FRMD6: variants seen among roughly 807,000 people sequenced by gnomAD.
The protein encoded by FRMD6 is FERM domain containing 6.
FRMD6 carries 37 observed loss-of-function variants against 73.2 expected under a neutral mutation model. The ratio of observed to expected loss-of-function variants is 0.51; its 90% CI spans 0.39 to 0.66. The LOEUF is 0.66. Ranked by LOEUF, FRMD6 falls within the 30% of genes least tolerant of loss-of-function variation. The pLI is 0.00. For synonymous variants in FRMD6, 273 were observed against 282.2 expected (o/e 0.97, Z 0.33); for missense variants, 714 against 780.5 (o/e 0.91, Z 1.02).
chr14:51,585,637 T>C (rs190521948), intron 2 of FRMD6, among the ~76,000 whole-genome samples: 13 of 152,152 alleles, frequency 8.5e-5, no homozygotes, highest in African/African-American at 3.1e-4. Flanking sequence ...GGAATACCTA[T>C]CTTGCATGTT....
chr14:51,501,381 C>T (rs1471605928), intron 1 of FRMD6, among the ~76,000 whole-genome samples: 2 of 152,134 alleles, frequency 1.3e-5, no homozygotes, highest in Non-Finnish European at 2.9e-5. Flanking sequence ...ACCAACCCCT[C>T]CCAACAGGCC....
intron 1 of FRMD6, among the ~76,000 whole-genome samples, chr14:51,532,175 T>C (rs1320734065): frequency 6.6e-6 from 1 of 152,114 alleles, no homozygotes; most frequent in Non-Finnish European, 1.5e-5. Flanking sequence ...GAGACCATCC[T>C]GGCTAACATG....
At chr14:51,521,892 C>T (rs1884975866) in intron 1 of FRMD6, among the ~76,000 whole-genome samples, 1 of 152,056 alleles carries the variant, frequency 6.6e-6, no homozygotes, top group South Asian at 2.1e-4. Context: ...CCATAAATTC[C>T]TAGCTTTGAA....
At chr14:51,717,420 C>G (rs1387761074) in intron 10 of FRMD6, 1 of 152,080 alleles carries the variant, frequency 6.6e-6, no homozygotes, top group Non-Finnish European at 1.5e-5. Context: ...TGGCACTAAC[C>G]CATTCATGAA....
At chr14:51,679,368 A>G (rs1894636274) in intron 1 of FRMD6, among the ~76,000 whole-genome samples, 1 of 150,422 alleles carries the variant, frequency 6.6e-6, no homozygotes, top group South Asian at 2.1e-4. Context: ...TATATATAAT[A>G]TATATTATGC....
chr14:51,650,424 C>T (rs1219976396), upstream of FRMD6: 1 of 107,918 alleles, frequency 9.3e-6, no homozygotes, highest in Non-Finnish European at 1.8e-5. Flanking sequence ...GAGACGGAGT[C>T]TCGCTCTGTC....
intron 1 of FRMD6, among the ~76,000 whole-genome samples, chr14:51,548,166 G>A (rs756947186): frequency 2.6e-5 from 4 of 152,100 alleles, no homozygotes; most frequent in Admixed American, 6.6e-5. Context: ...TATCACTAAG[G>A]CTAAACAACT....
intron 11 of FRMD6, among the ~76,000 whole-genome samples, chr14:51,721,730 G>GGAA (rs1566598337): frequency 8.6e-6 from 1 of 115,730 alleles, no homozygotes; most frequent in African/African-American, 3.7e-5. Flanking sequence ...GAGGGAGGAA[G>GGAA]GGAGGGAGGA....
chr14:51,726,529 C>T (rs907453786), intron 13 of FRMD6, among the ~76,000 whole-genome samples: 1 of 151,990 alleles, frequency 6.6e-6, no homozygotes, highest in Admixed American at 6.6e-5. Context: ...CTACTTTTCT[C>T]TTCCTCTTTC....
At chr14:51,649,575 G>A (rs563482029), upstream of FRMD6, 57 of 151,994 alleles carry the variant, frequency 3.8e-4, no homozygotes, top group South Asian at 3.5e-3. Flanking sequence ...ATGAAATGCC[G>A]GATTATCTCA....
At chr14:51,631,134 T>A (rs977333655) in intron 2 of FRMD6, among the ~76,000 whole-genome samples, 2 of 152,134 alleles carry the variant, frequency 1.3e-5, no homozygotes, top group African/African-American at 4.8e-5. Context: ...ACTGAGAAGT[T>A]CCAGAATTAA....
At chr14:51,448,813 C>T in the FRMD6 span, among the ~76,000 whole-genome samples, 84 of 152,236 alleles carry the variant, frequency 5.5e-4, no homozygotes, top group African/African-American at 1.8e-3. Flanking sequence ...GGAAATGAAA[C>T]ATTTGAATTG....
At chr14:51,425,435 G>A in the FRMD6 span, among the ~76,000 whole-genome samples, 4 of 152,082 alleles carry the variant, frequency 2.6e-5, no homozygotes, top group Admixed American at 1.3e-4. Flanking sequence ...CCTGCCAAAT[G>A]ACCACCTCCA....
chr14:51,712,165 A>G lies in FRMD6; in HGVS notation c.781-318A>G, dbSNP rs148101651. On this transcript the variant is annotated intron_variant, in intron 8 of 13. Transcript: ENST00000344768. ...GTCTTATCTTTGATGTAGGCAAAAT[A>G]TCCAGTTATGAAAGTCTGAGCGCCT... Among the ~76,000 whole-genome samples the G allele has an allele frequency of 1.6e-3, 247 of 152,316 alleles. 1 individual carries two copies. The highest frequency in any genetic ancestry group is 5.9e-3 in the African/African-American group (244 of 41,584).
At chr14:51,645,365 T>C (rs1008155924) in intron 2 of FRMD6, among the ~76,000 whole-genome samples, 3 of 152,172 alleles carry the variant, frequency 2.0e-5, no homozygotes, top group African/African-American at 4.8e-5. Flanking sequence ...GGGTGTCCCT[T>C]GGAGGCTGCA....
intron 2 of FRMD6, among the ~76,000 whole-genome samples, chr14:51,613,443 A>C (rs564258807): frequency 2.6e-5 from 4 of 152,320 alleles, no homozygotes; most frequent in African/African-American, 7.2e-5. Flanking sequence ...TAGGTGAAGA[A>C]TCCAAGAAGA....
At chr14:51,466,939 G>A in the FRMD6 span, among the ~76,000 whole-genome samples, 1 of 151,730 alleles carries the variant, frequency 6.6e-6, no homozygotes, top group East Asian at 1.9e-4. Flanking sequence ...TAGTGTAAAA[G>A]TCTCAAAAAT....
intron 1 of FRMD6, among the ~76,000 whole-genome samples, chr14:51,533,211 T>C (rs534704245): frequency 2.6e-5 from 4 of 152,314 alleles, no homozygotes; most frequent in African/African-American, 9.6e-5. Flanking sequence ...ACTTAGGTTT[T>C]TGCTGGGCTT....
rs565302519 is a variant in FRMD6 at position 51,511,162 on chromosome 14, A to G, written c.-210+21742A>G. Among the ~76,000 whole-genome samples the G allele has an allele frequency of 9.5e-4, 145 of 152,318 alleles. 3 individuals carry two copies. The South Asian group carries it at 0.017, about 17-fold the overall frequency. On this transcript the variant is annotated intron_variant, in intron 1 of 14. Transcript: ENST00000356218. ...ACTAAATGAAAAACAGATATTCCCC[A>G]CACAGAAGAGAGACAGAGACAGATT...
Sources: allele counts gnomAD v4.1 joint callset (sites outside exome capture counted in the v4.1 genomes callset), GRCh38; gene constraint gnomAD v4.1.1; transcripts MANE v1.5; gene names NCBI Gene and HGNC (gene_info 2026-07-23, HGNC 2026-07-21).